SNX18: variants seen among roughly 807,000 people sequenced by gnomAD.
SNX18 encodes the protein sorting nexin 18, also known as sorting nexin-18.
A neutral mutation model predicts 48.7 loss-of-function variants in SNX18; 35 were observed. The observed-to-expected ratio is 0.72, with a 90% CI of 0.55 to 0.95. The LOEUF (loss-of-function observed/expected upper bound fraction) is 0.95. Ranked by LOEUF, SNX18 falls within the 40% of genes least tolerant of loss-of-function variation. SNX18 has a pLI of 0.00. For missense variants in SNX18, 824 were observed against 871.0 expected (o/e 0.95, Z 0.68); for synonymous variants, 492 against 384.7 (o/e 1.28, Z -3.26).
chr5:54,598,636 T>A, the SNX18 span, among the ~76,000 whole-genome samples: 2 of 152,140 alleles, frequency 1.3e-5, no homozygotes, highest in Non-Finnish European at 2.9e-5. Flanking sequence ...AAAAACCACA[T>A]GATTATCTCA....
the SNX18 span, among the ~76,000 whole-genome samples, chr5:54,613,221 G>A: frequency 7.2e-5 from 11 of 152,144 alleles, no homozygotes; most frequent in African/African-American, 2.7e-4. Flanking sequence ...ATCTTAGTTC[G>A]TTTTATGCTT....
chr5:54,636,554 C>T, the SNX18 span, among the ~76,000 whole-genome samples: 1 of 152,186 alleles, frequency 6.6e-6, no homozygotes, highest in Admixed American at 6.5e-5. Context: ...GAGCCATGCT[C>T]AACCTCTATA....
At chr5:54,628,213 A>T in the SNX18 span, among the ~76,000 whole-genome samples, 1 of 152,200 alleles carries the variant, frequency 6.6e-6, no homozygotes, top group Admixed American at 6.5e-5. Flanking sequence ...CCTGCAGTTA[A>T]TGATTAGCTA....
At chr5:54,621,802 C>T in the SNX18 span, among the ~76,000 whole-genome samples, 1 of 152,206 alleles carries the variant, frequency 6.6e-6, no homozygotes, top group Non-Finnish European at 1.5e-5. Context: ...GCCCTGGAGA[C>T]AAAAGCAGCC....
At position 54,544,037 on chromosome 5, in the gene SNX18, G is replaced by C. The variant is rs920161674; in HGVS notation, c.*605G>C. 1 of 150,536 alleles carries C rather than the reference G, an allele frequency of 6.6e-6. No individual in the cohort carries two copies. Among genetic ancestry groups the C allele is most frequent in the African/African-American group, 2.4e-5 (1 of 41,226 alleles). The allele number at this position is 150,536 out of a possible 1,614,324, so 9.3% of individuals were successfully genotyped here. On this transcript the variant is annotated 3_prime_UTR_variant, in exon 2 of 2. Coordinates refer to ENST00000381410, the MANE Select transcript of SNX18 (RefSeq NM_001102575.2). ...ACCTTATATTGGCAGTAGGGGGTGG[G>C]GGGGGCGGTGGGGTGGGACGATCAG... is the stretch of plus-strand genomic sequence containing the variant.
chr5:54,520,798 G>A (rs1490186277), intron 1 of SNX18: 2 of 167,114 alleles, frequency 1.2e-5, no homozygotes, highest in Non-Finnish European at 2.9e-5. Context: ...TGACTCCTAT[G>A]GGGGAAGGGG....
the SNX18 span, chr5:54,646,059 C>T: frequency 9.2e-5 from 14 of 152,046 alleles, no homozygotes; most frequent in Non-Finnish European, 1.6e-4. Flanking sequence ...TTTTTTCTTT[C>T]CATTTAAAGA....
chr5:54,520,976 T>C (rs1372284778), intron 1 of SNX18: 1 of 167,000 alleles, frequency 6.0e-6, no homozygotes, highest in East Asian at 1.9e-4. Context: ...ATATTGCTGT[T>C]GGCCTGTATT....
the SNX18 span, among the ~76,000 whole-genome samples, chr5:54,606,821 C>T: frequency 6.6e-6 from 1 of 152,122 alleles, no homozygotes; most frequent in Non-Finnish European, 1.5e-5. Context: ...TATTTGTACT[C>T]ACGTGTGTGT....
At chr5:54,611,881 C>CTTTT in the SNX18 span, among the ~76,000 whole-genome samples, 19 of 147,090 alleles carry the variant, frequency 1.3e-4, no homozygotes, top group East Asian at 4.1e-4. Flanking sequence ...TCTTCTTCTT[C>CTTTT]TTTTTTTTTA....
chr5:54,534,878 C>A (rs1762323775), intron 1 of SNX18, among the ~76,000 whole-genome samples: 1 of 152,070 alleles, frequency 6.6e-6, no homozygotes, highest in Non-Finnish European at 1.5e-5. Context: ...GAGAGATTCA[C>A]TACTCTCATA....
At position 54,518,221 on chromosome 5, in the gene SNX18, CT is replaced by C; in HGVS notation, c.270del (p.Val91SerfsTer135). On this transcript the variant is annotated frameshift_variant, in exon 1 of 2. Coordinates refer to ENST00000381410, the MANE Select transcript of SNX18 (RefSeq NM_001102575.2). LOFTEE classifies it high-confidence loss of function. The stretch of plus-strand genomic sequence containing the variant: ...CCCCCCGGGGGCTTCGAGCCCCTGC[CT>C]GTCGCGCCCCCCGCCTCCTTCAAGC... ...NVPPGGFEPL[P>X]VAPPASFKPP... 2 of 1,410,062 alleles carry C rather than the reference CT, an allele frequency of 1.4e-6. No homozygotes were observed. Among genetic ancestry groups the C allele is most frequent in the Admixed American group, 3.4e-5 (1 of 29,730 alleles). 87.3% of individuals were successfully genotyped at this position (1,410,062 alleles called of 1,614,324 possible). A position where few individuals can be genotyped will look rare whatever the true frequency, so the allele number is the denominator to read the frequency against.
chr5:54,599,300 A>G, the SNX18 span, among the ~76,000 whole-genome samples: 1 of 152,298 alleles, frequency 6.6e-6, no homozygotes, highest in East Asian at 1.9e-4. Flanking sequence ...CTTCAAGGAG[A>G]ACTATAAACT....
At chr5:54,529,345 G>A (rs1043625825) in intron 1 of SNX18, among the ~76,000 whole-genome samples, 3 of 152,100 alleles carry the variant, frequency 2.0e-5, no homozygotes, top group Admixed American at 6.5e-5. Flanking sequence ...TACAGCCCAC[G>A]GGCCAGATTC....
chr5:54,601,065 C>T, the SNX18 span, among the ~76,000 whole-genome samples: 1 of 151,452 alleles, frequency 6.6e-6, no homozygotes, highest in Non-Finnish European at 1.5e-5. Flanking sequence ...TCTATTCCTC[C>T]CTCCATCCCT....
At chr5:54,602,015 T>C in the SNX18 span, among the ~76,000 whole-genome samples, 2 of 152,212 alleles carry the variant, frequency 1.3e-5, no homozygotes, top group Non-Finnish European at 2.9e-5. Flanking sequence ...AAACTAGTGT[T>C]TCCTTTGACA....
intron 1 of SNX18, chr5:54,519,877 A>G: frequency 6.6e-7 from 1 of 1,511,788 alleles, no homozygotes; most frequent in South Asian, 1.3e-5. Context: ...TCAAATCTGT[A>G]ATCTTGAGAC....
chr5:54,639,427 A>G, the SNX18 span, among the ~76,000 whole-genome samples: 1 of 152,224 alleles, frequency 6.6e-6, no homozygotes, highest in East Asian at 1.9e-4. Context: ...TTTCAAATGA[A>G]CAGATGGACA....
intron 1 of SNX18, among the ~76,000 whole-genome samples, chr5:54,542,556 C>G (rs967815386): frequency 1.3e-5 from 2 of 152,214 alleles, no homozygotes; most frequent in East Asian, 3.9e-4. Context: ...GGTGTTTACT[C>G]TGGATGACAA....
Sources: gnomAD v4.1 joint callset for allele counts (sites outside exome capture counted in the v4.1 genomes callset) on GRCh38, gnomAD v4.1.1 for gene constraint, MANE v1.5 for transcripts, NCBI Gene and HGNC (gene_info 2026-07-23, HGNC 2026-07-21) for gene names.